Variants in NEGR1 observed in about 807,000 individuals in gnomAD.
NEGR1 encodes neuronal growth regulator 1.
In NEGR1, 10 loss-of-function variants were observed where a neutral mutation model predicts 40.9. The ratio of observed to expected loss-of-function variants is 0.24; its 90% CI spans 0.15 to 0.42. NEGR1 has a LOEUF of 0.42. NEGR1 is among the 10% of genes least tolerant of loss of function. The probability of loss-of-function intolerance (pLI) is 1.00; values close to 1 mark genes in which losing one functional copy is unlikely to be tolerated. For missense variants in NEGR1, 352 were observed against 438.9 expected, an observed-to-expected ratio of 0.80 and a Z score of 1.77; for synonymous variants, 185 against 166.8, an observed-to-expected ratio of 1.11 and a Z score of -0.84.
chr1:71,578,256 A>G (rs1395581874), intron 6 of NEGR1, among the ~76,000 whole-genome samples: 1 of 152,108 alleles, frequency 6.6e-6, no homozygotes, highest in Non-Finnish European at 1.5e-5. Context: ...CTAGAGATGT[A>G]AGTTATTAGA....
intron 6 of NEGR1, among the ~76,000 whole-genome samples, chr1:71,465,214 A>G (rs1041275888): frequency 2.3e-4 from 35 of 152,164 alleles, no homozygotes; most frequent in African/African-American, 7.2e-4. Context: ...AGATAAAAAC[A>G]GCAGAGTCAG....
intron 2 of NEGR1, among the ~76,000 whole-genome samples, chr1:71,875,402 C>T (rs1355005840): frequency 6.6e-6 from 1 of 152,098 alleles, no homozygotes; most frequent in Non-Finnish European, 1.5e-5. Flanking sequence ...TCCTACTTCT[C>T]TCTGTAAAAG....
chr1:71,467,022 G>A (rs970147914), intron 6 of NEGR1, among the ~76,000 whole-genome samples: 3 of 152,036 alleles, frequency 2.0e-5, no homozygotes, highest in Non-Finnish European at 4.4e-5. Context: ...TTTTGTTTAT[G>A]TCATGGCCAG....
chr1:71,780,008 G>A (rs551164957), intron 2 of NEGR1, among the ~76,000 whole-genome samples: 1 of 143,766 alleles, frequency 7.0e-6, no homozygotes, highest in Non-Finnish European at 1.5e-5. Flanking sequence ...TGGTCCCAGG[G>A]CGCATCGTGC....
At chr1:71,670,980 T>C (rs1652406274) in intron 4 of NEGR1, among the ~76,000 whole-genome samples, 1 of 152,158 alleles carries the variant, frequency 6.6e-6, no homozygotes, top group African/African-American at 2.4e-5. Flanking sequence ...GTGAATTTCA[T>C]TATGAGCATG....
intron 1 of NEGR1, among the ~76,000 whole-genome samples, chr1:72,226,116 TCTA>T (rs956074867): frequency 1.3e-5 from 2 of 151,864 alleles, no homozygotes. Context: ...CTTCAAAAAA[TCTA>T]CTGGCTTAAT....
chr1:71,638,241 G>A (rs1292972127), intron 4 of NEGR1, among the ~76,000 whole-genome samples: 12 of 151,934 alleles, frequency 7.9e-5, no homozygotes, highest in Non-Finnish European at 1.5e-4. Context: ...ATCCTTCCAC[G>A]GAGACATCCT....
chr1:71,651,710 T>C (rs540562571), intron 4 of NEGR1, among the ~76,000 whole-genome samples: 1 of 152,256 alleles, frequency 6.6e-6, no homozygotes, highest in East Asian at 1.9e-4. Context: ...CTTATGAATG[T>C]ATATATCCTG....
rs748730921 is a variant in NEGR1 at position 71,407,551 on chromosome 1, A to G, written c.960T>C (p.Tyr320=). Residue 320 remains tyrosine (Y), a synonymous_variant, in exon 7 of 7, where the codon TAT becomes TAC. Coordinates refer to ENST00000357731, the MANE Select transcript of NEGR1 (RefSeq NM_173808.3). ...LPLNPPSTAQ[Y]GITGSADVLF... ...GAACATCAGCGCTCCCGGTAATTCC[A>G]TACTGGGCTGTACTTGGAGCTGGAA... The G allele has an allele frequency of 1.4e-5, 23 of 1,611,956 alleles. No homozygotes were observed. Among genetic ancestry groups the G allele is most frequent in the Non-Finnish European group, 1.8e-5 (21 of 1,178,338 alleles).
chr1:71,588,870 C>T (rs1276401713), intron 6 of NEGR1, among the ~76,000 whole-genome samples: 1 of 152,116 alleles, frequency 6.6e-6, no homozygotes, highest in East Asian at 1.9e-4. Context: ...CTTTGCGGAT[C>T]AGGGAGCTGC....
intron 6 of NEGR1, among the ~76,000 whole-genome samples, chr1:71,483,724 T>G (rs975888817): frequency 7.9e-5 from 12 of 151,764 alleles, no homozygotes; most frequent in African/African-American, 2.7e-4. Context: ...AAAGGCAGCA[T>G]TGCAGCAGTG....
chr1:71,580,051 C>T (rs1389075486), intron 6 of NEGR1, among the ~76,000 whole-genome samples: 2 of 152,008 alleles, frequency 1.3e-5, no homozygotes, highest in South Asian at 4.1e-4. Flanking sequence ...AGACTTGGAA[C>T]CAACCCAAAT....
intron 1 of NEGR1, among the ~76,000 whole-genome samples, chr1:72,278,959 T>TG (rs1372442561): frequency 6.6e-6 from 1 of 152,096 alleles, no homozygotes; most frequent in Non-Finnish European, 1.5e-5. Flanking sequence ...ATTGAATATC[T>TG]GTATCATTAA....
rs114148295 is a variant in NEGR1, at chr1:71,483,701, C to A, written c.941-76131G>T. On this transcript the variant is annotated intron_variant, in intron 6 of 6. Coordinates refer to ENST00000357731, the MANE Select transcript of NEGR1 (RefSeq NM_173808.3). ...TTCAGGCTCAGAGAGAAAGAAAGAG[C>A]CCCATAATTATGAAAGGCAGCATTG... 9.4e-3 allele frequency among the ~76,000 whole-genome samples: 1,434 copies of A among 151,768 alleles called. 23 individuals are homozygous for A. The highest frequency in any genetic ancestry group is 0.033 in the African/African-American group (1,348 of 41,454).
chr1:71,599,144 T>A lies in NEGR1; in HGVS notation c.789-6176A>T, dbSNP rs370171866. Among the ~76,000 whole-genome samples, 97 of 152,336 alleles carry A rather than the reference T, an allele frequency of 6.4e-4. 1 individual carries two copies. Among genetic ancestry groups the A allele is most frequent in the African/African-American group, 2.2e-3 (91 of 41,582 alleles). Reference sequence around the variant, plus strand: ...CAAAGTGTTAATGTTAAAATGTTTTTAAAAATATTTAATGTGTAATATTTA... The same window carrying A: ...CAAAGTGTTAATGTTAAAATGTTTTAAAAAATATTTAATGTGTAATATTTA... On this transcript the variant is annotated intron_variant, in intron 5 of 6. Transcript: ENST00000357731.
chr1:71,795,149 T>G lies in NEGR1; in HGVS notation c.410-18852A>C, dbSNP rs139284275. 2.8e-4 allele frequency among the ~76,000 whole-genome samples: 42 copies of G among 152,054 alleles called. 2 individuals carry two copies. In the East Asian group the frequency reaches 8.2e-3, roughly 30 times the overall value. On this transcript the variant is annotated intron_variant, in intron 2 of 6. Coordinates refer to ENST00000357731, the MANE Select transcript of NEGR1 (RefSeq NM_173808.3). ...AAACAATATAAATCTGCAAATAATT[T>G]GAAAACAAATAAAACTGAAGATACA...
intron 4 of NEGR1, among the ~76,000 whole-genome samples, chr1:71,628,947 G>A (rs1189256412): frequency 6.6e-6 from 1 of 152,076 alleles, no homozygotes; most frequent in African/African-American, 2.4e-5. Context: ...GGATCGCTGG[G>A]TGAAATGGTA....
intron 1 of NEGR1, among the ~76,000 whole-genome samples, chr1:72,198,235 T>C: frequency 6.6e-6 from 1 of 151,756 alleles, no homozygotes; most frequent in South Asian, 2.1e-4. Flanking sequence ...AGACTGGAGG[T>C]AGTGGAAAGG....
intron 2 of NEGR1, among the ~76,000 whole-genome samples, chr1:71,791,258 A>G (rs1482808456): frequency 6.6e-6 from 1 of 152,078 alleles, no homozygotes; most frequent in Admixed American, 6.6e-5. Context: ...AAGTTAAATT[A>G]TACTAAAAGC....
Sources: allele counts gnomAD v4.1 joint callset (sites outside exome capture counted in the v4.1 genomes callset), GRCh38; gene constraint gnomAD v4.1.1; transcripts MANE v1.5; gene names NCBI Gene and HGNC (gene_info 2026-07-23, HGNC 2026-07-21).